PLPP4: variants seen among roughly 807,000 people sequenced by gnomAD.
PLPP4 encodes the protein phospholipid phosphatase 4.
A neutral mutation model predicts 32.2 loss-of-function variants in PLPP4; 20 were observed. The ratio of observed to expected loss-of-function variants is 0.62; its 90% CI spans 0.44 to 0.90. The LOEUF (loss-of-function observed/expected upper bound fraction) is 0.90, where lower values mean the gene tolerates loss of function less well. PLPP4 is among the 40% of genes least tolerant of loss of function. The pLI is 0.00. For synonymous variants in PLPP4, 127 were observed against 133.0 expected (o/e 0.95, Z 0.31); for missense variants, 257 against 353.1 (o/e 0.73, Z 2.18).
At chr10:120,537,691 C>T (rs1176353622) in intron 5 of PLPP4, among the ~76,000 whole-genome samples, 1 of 152,068 alleles carries the variant, frequency 6.6e-6, no homozygotes, top group Non-Finnish European at 1.5e-5. Flanking sequence ...GCATTCTCAC[C>T]CCTCCCCCAA....
At chr10:120,556,174 G>C (rs980525761) in intron 5 of PLPP4, among the ~76,000 whole-genome samples, 2 of 152,158 alleles carry the variant, frequency 1.3e-5, no homozygotes, top group Non-Finnish European at 2.9e-5. Flanking sequence ...ATATTTTCCT[G>C]TTGTCAGGCT....
At chr10:120,525,669 C>T (rs1163394575) in intron 5 of PLPP4, among the ~76,000 whole-genome samples, 4 of 152,182 alleles carry the variant, frequency 2.6e-5, no homozygotes, top group Non-Finnish European at 5.9e-5. Flanking sequence ...TTGTAGTTTC[C>T]CATAAATGAG....
chr10:120,507,344 T>A (rs1366580974), intron 2 of PLPP4, among the ~76,000 whole-genome samples: 1 of 94,078 alleles, frequency 1.1e-5, no homozygotes, highest in Non-Finnish European at 2.3e-5. Flanking sequence ...AGGGAAGTTC[T>A]TCATCATCAT....
chr10:120,502,319 C>T (rs904109202), intron 1 of PLPP4, among the ~76,000 whole-genome samples: 5 of 151,982 alleles, frequency 3.3e-5, no homozygotes, highest in African/African-American at 7.3e-5. Context: ...GACTTAAAAC[C>T]TCAGAGTTAG....
chr10:120,523,851 T>A (rs1257617638), intron 5 of PLPP4, among the ~76,000 whole-genome samples: 4 of 152,142 alleles, frequency 2.6e-5, no homozygotes, highest in African/African-American at 9.7e-5. Flanking sequence ...CATTTGAACT[T>A]GGGAACGAAA....
intron 1 of PLPP4, among the ~76,000 whole-genome samples, chr10:120,461,521 C>T (rs1445907647): frequency 6.6e-6 from 1 of 152,126 alleles, no homozygotes; most frequent in Non-Finnish European, 1.5e-5. Flanking sequence ...TCTCTGTCTG[C>T]AGGGTCCCCC....
intron 5 of PLPP4, among the ~76,000 whole-genome samples, chr10:120,529,185 CGTGT>C (rs71819744): frequency 1.1e-4 from 16 of 150,628 alleles, no homozygotes; most frequent in Admixed American, 5.3e-4. Flanking sequence ...CACAAGTGTG[CGTGT>C]GTGTGTGTGT....
intron 1 of PLPP4, among the ~76,000 whole-genome samples, chr10:120,469,389 G>T (rs930913042): frequency 6.6e-6 from 1 of 151,950 alleles, no homozygotes; most frequent in East Asian, 1.9e-4. Context: ...CACCATGCCC[G>T]GCTAATTTTT....
intron 2 of PLPP4, among the ~76,000 whole-genome samples, chr10:120,512,903 C>G (rs547833260): frequency 6.6e-6 from 1 of 152,288 alleles, no homozygotes; most frequent in African/African-American, 2.4e-5. Context: ...TGATGTCTTA[C>G]TAGAGCAGAG....
At chr10:120,464,906 A>C (rs1298231794) in intron 1 of PLPP4, among the ~76,000 whole-genome samples, 1 of 152,126 alleles carries the variant, frequency 6.6e-6, no homozygotes, top group Admixed American at 6.5e-5. Flanking sequence ...TTGTTTGATA[A>C]ATGGGGCATC....
intron 5 of PLPP4, among the ~76,000 whole-genome samples, chr10:120,527,524 G>A (rs1277636591): frequency 6.6e-6 from 1 of 152,142 alleles, no homozygotes; most frequent in Non-Finnish European, 1.5e-5. Flanking sequence ...GTAACATCTA[G>A]GCTGGTGTGT....
chr10:120,537,115 A>T (rs11199384), intron 5 of PLPP4, among the ~76,000 whole-genome samples: 38,357 of 152,070 alleles, frequency 0.25, 4,877 homozygotes, highest in South Asian at 0.37. Context: ...TATAGCCCTT[A>T]TGAAAAAGAG....
chr10:120,481,664 C>T (rs186805364), intron 1 of PLPP4, among the ~76,000 whole-genome samples: 1 of 152,232 alleles, frequency 6.6e-6, no homozygotes, highest in East Asian at 1.9e-4. Flanking sequence ...GACAAGGAAA[C>T]AAAGACCATG....
intron 5 of PLPP4, among the ~76,000 whole-genome samples, chr10:120,539,683 T>C (rs1446677981): frequency 2.0e-5 from 3 of 152,134 alleles, no homozygotes; most frequent in Non-Finnish European, 2.9e-5. Context: ...GTAAAAGTTA[T>C]TTGAGAGCCT....
intron 5 of PLPP4, among the ~76,000 whole-genome samples, chr10:120,568,747 A>C (rs1453532137): frequency 2.0e-5 from 3 of 152,300 alleles, no homozygotes; most frequent in Admixed American, 2.0e-4. Context: ...GTGGCATATA[A>C]TCAAAGGAAA....
At chr10:120,562,167 A>G (rs1301857984) in intron 5 of PLPP4, among the ~76,000 whole-genome samples, 1 of 152,102 alleles carries the variant, frequency 6.6e-6, no homozygotes, top group Non-Finnish European at 1.5e-5. Context: ...TATAAGACTA[A>G]TTCTTTGGTG....
chr10:120,569,588 C>G (rs941294585), intron 5 of PLPP4, among the ~76,000 whole-genome samples: 1 of 152,216 alleles, frequency 6.6e-6, no homozygotes, highest in Non-Finnish European at 1.5e-5. Context: ...TCAAACAAGA[C>G]TGTGCAACCC....
chr10:120,488,479 G>C (rs540419127), intron 1 of PLPP4, among the ~76,000 whole-genome samples: 1 of 152,302 alleles, frequency 6.6e-6, no homozygotes, highest in East Asian at 1.9e-4. Flanking sequence ...TTCAGAATTC[G>C]TGCTTTTCAT....
chr10:120,547,710 T>G (rs1369163805), intron 5 of PLPP4, among the ~76,000 whole-genome samples: 1 of 152,178 alleles, frequency 6.6e-6, no homozygotes, highest in African/African-American at 2.4e-5. Context: ...GGTTGACTGC[T>G]CCAGTGTTGG....
Sources: allele counts gnomAD v4.1 joint callset (sites outside exome capture counted in the v4.1 genomes callset), GRCh38; gene constraint gnomAD v4.1.1; transcripts MANE v1.5; gene names NCBI Gene and HGNC (gene_info 2026-07-23, HGNC 2026-07-21).